DEPDC4: variants seen among roughly 807,000 people sequenced by gnomAD.
DEPDC4 encodes DEP domain containing 4, also known as DEP domain-containing protein 4.
Under a neutral mutation model 52.0 loss-of-function variants are expected in DEPDC4, and 52 were observed. The ratio of observed to expected loss-of-function variants is 1.00; its 90% CI spans 0.80 to 1.26. The LOEUF is 1.26. Ranked by LOEUF, DEPDC4 falls within the 50% of genes most tolerant of loss-of-function variation. DEPDC4 has a pLI of 0.00. For missense variants in DEPDC4, 530 were observed against 546.9 expected, an observed-to-expected ratio of 0.97 and a Z score of 0.31; for synonymous variants, 201 against 196.8, an observed-to-expected ratio of 1.02 and a Z score of -0.18.
Position 100,240,065 on chromosome 12 carries a change from G to A in DEPDC4, c.*1827C>T, listed in dbSNP as rs536868670. The stretch of plus-strand genomic sequence containing the variant: ...CAAAAAGATAAAACTGATGACATCT[G>A]TCTAATATAGTTTATTTTTTCAAGA... On this transcript the variant is annotated 3_prime_UTR_variant, in exon 10 of 10. Transcript: ENST00000550587. Among the ~76,000 whole-genome samples, 1 of 152,262 alleles carries A rather than the reference G, an allele frequency of 6.6e-6. No homozygotes were observed. The highest frequency in any genetic ancestry group is 2.1e-4 in the South Asian group (1 of 4,830).
At chr12:100,280,190 C>T in the DEPDC4 span, among the ~76,000 whole-genome samples, 1 of 152,074 alleles carries the variant, frequency 6.6e-6, no homozygotes, top group Non-Finnish European at 1.5e-5. Context: ...AGCAAGAGGG[C>T]AGATTCACTC....
upstream of DEPDC4, chr12:100,267,102 G>C: frequency 6.2e-7 from 1 of 1,609,148 alleles, no homozygotes; most frequent in Non-Finnish European, 8.5e-7. Flanking sequence ...GACACCCGGG[G>C]CGGAGAGAAG....
At chr12:100,236,656 C>T (rs939276161), downstream of DEPDC4, among the ~76,000 whole-genome samples, 14 of 152,094 alleles carry the variant, frequency 9.2e-5, no homozygotes, top group African/African-American at 3.4e-4. Context: ...CAGACTGTTC[C>T]TTTTGCTGTG....
the DEPDC4 span, among the ~76,000 whole-genome samples, chr12:100,273,197 C>G: frequency 9.9e-5 from 15 of 152,194 alleles, no homozygotes; most frequent in South Asian, 2.1e-4. Flanking sequence ...TTTTTAGCCT[C>G]CTTTGCCATA....
At chr12:100,246,674 T>C (rs1000064368) in intron 8 of DEPDC4, among the ~76,000 whole-genome samples, 7 of 152,158 alleles carry the variant, frequency 4.6e-5, no homozygotes, top group African/African-American at 1.7e-4. Context: ...CAGTGGCTCA[T>C]GCCTGTAATC....
rs138451949 is a variant in DEPDC4, at chr12:100,240,612, AAGAG to A, written c.*1276_*1279del. On this transcript the variant is annotated 3_prime_UTR_variant, in exon 10 of 10. Coordinates refer to ENST00000550587, the MANE Select transcript of DEPDC4 (RefSeq NM_001364818.2). Reference sequence around the variant, plus strand: ...GCAAGAAAAAAGTGAAAGAGCTGGAAAGAGAGAGAGAAAGAGGAAAGAAAAGGAA... The same window carrying A: ...GCAAGAAAAAAGTGAAAGAGCTGGAAAGAGAGAAAGAGGAAAGAAAAGGAA... Among the ~76,000 whole-genome samples the A allele has an allele frequency of 0.024, 3,612 of 152,314 alleles. 138 individuals are homozygous for A. Among genetic ancestry groups the A allele is most frequent in the African/African-American group, 0.08 (3,326 of 41,544 alleles).
intron 2 of DEPDC4, among the ~76,000 whole-genome samples, 181 bp downstream of exon 2, chr12:100,263,316 T>C (rs2096260352): frequency 6.6e-6 from 1 of 152,208 alleles, no homozygotes; most frequent in African/African-American, 2.4e-5. Context: ...ATCACTATTA[T>C]CTAATTCTAG....
At chr12:100,238,927 C>T (rs1040284852), downstream of DEPDC4, among the ~76,000 whole-genome samples, 4 of 152,226 alleles carry the variant, frequency 2.6e-5, no homozygotes, top group South Asian at 4.1e-4. Flanking sequence ...GCTTGCGCCA[C>T]AGCCCTCGTG....
At chr12:100,251,653 C>T (rs559273421) in intron 7 of DEPDC4, among the ~76,000 whole-genome samples, 51 of 152,020 alleles carry the variant, frequency 3.4e-4, no homozygotes, top group Admixed American at 7.2e-4. Context: ...TTGCAACCTC[C>T]GCCTCCCAGG....
At chr12:100,257,416 T>C (rs1433560679) in intron 3 of DEPDC4, among the ~76,000 whole-genome samples, 1 of 147,874 alleles carries the variant, frequency 6.8e-6, no homozygotes, top group African/African-American at 2.5e-5. Flanking sequence ...GATGGAGTTT[T>C]GTTCTTGTTG....
At chr12:100,249,043 G>T in intron 7 of DEPDC4, 65 bp from the exon 8 acceptor site, 1 of 656,022 alleles carries the variant, frequency 1.5e-6, no homozygotes, top group Non-Finnish European at 1.9e-6. Flanking sequence ...TTTCAACATA[G>T]AAAGAAAAAC....
intron 9 of DEPDC4, among the ~76,000 whole-genome samples, chr12:100,234,131 A>G (rs1424738053): frequency 1.3e-5 from 2 of 152,106 alleles, no homozygotes; most frequent in Non-Finnish European, 2.9e-5. Context: ...CAAAAAACCA[A>G]ACTTTTATTT....
rs1039100883 is a variant in DEPDC4, at chr12:100,235,015, G to A, written c.*699+2953C>T. Among the ~76,000 whole-genome samples, 9 of 151,718 alleles carry A rather than the reference G, an allele frequency of 5.9e-5. No homozygotes were observed. The South Asian group carries it at 1.2e-3, about 21-fold the overall frequency. On this transcript the variant is annotated intron_variant and NMD_transcript_variant, in intron 9 of 10. Transcript: ENST00000378244. ...TAAACAAGTTTCATTGTTTACAAAC[G>A]TTTCACTGTTTACAAGTTTCATTGA...
chr12:100,247,201 G>GTTTTTTTTTTTTTTTT (rs869121983), intron 8 of DEPDC4, among the ~76,000 whole-genome samples: 1 of 71,646 alleles, frequency 1.4e-5, no homozygotes, highest in African/African-American at 5.8e-5. Context: ...TCCCCTTAGT[G>GTTTTTTTTTTTTTTTT]TTTTTTTTTT....
intron 8 of DEPDC4, among the ~76,000 whole-genome samples, chr12:100,244,307 A>C (rs1389629959): frequency 2.0e-5 from 3 of 151,008 alleles, no homozygotes; most frequent in East Asian, 2.0e-4. Context: ...CAGCCCCCCG[A>C]GTGGCTGGGA....
At chr12:100,281,051 G>A in the DEPDC4 span, among the ~76,000 whole-genome samples, 2 of 59,440 alleles carry the variant, frequency 3.4e-5, no homozygotes, top group Admixed American at 4.9e-4. Flanking sequence ...TTTTTTTTGA[G>A]ATAGAGCCTG....
downstream of DEPDC4, among the ~76,000 whole-genome samples, chr12:100,236,858 A>G (rs1566304969): frequency 2.6e-5 from 4 of 152,184 alleles, no homozygotes; most frequent in African/African-American, 7.2e-5. Flanking sequence ...TGATTTTTGT[A>G]TAAGGTGAGA....
At position 100,267,063 on chromosome 12, in the gene DEPDC4, T is replaced by G; in HGVS notation, c.14A>C (p.Glu5Ala). The G allele has an allele frequency of 1.2e-6, 2 of 1,613,278 alleles. No homozygotes were observed. The highest frequency in any genetic ancestry group is 1.7e-6 in the Non-Finnish European group (2 of 1,179,614). Reference sequence around the variant, plus strand: ...CGCCATAAGCTCGCGCGCTGGCTCCTCCCCTGGCACCATAGCCCCGCCCCA... The same window carrying G: ...CGCCATAAGCTCGCGCGCTGGCTCCGCCCCTGGCACCATAGCCCCGCCCCA... The part of the protein sequence containing the change: MVPG[E>A]EPARELMAVL... The change falls in exon 1 of 10, where the codon GAG becomes GCG. Residue 5 changes from glutamate to alanine, a missense_variant. By Grantham distance (107) the Glu-to-Ala change is moderately radical (BLOSUM62 -1). Coordinates refer to ENST00000550587, the MANE Select transcript of DEPDC4 (RefSeq NM_001364818.2).
At chr12:100,255,047 C>G (rs998375714) in intron 4 of DEPDC4, among the ~76,000 whole-genome samples, 2 of 152,204 alleles carry the variant, frequency 1.3e-5, no homozygotes, top group African/African-American at 4.8e-5. Flanking sequence ...TTTCTCCTGA[C>G]AGATGAACAG....
Sources: gnomAD v4.1 joint callset for allele counts (sites outside exome capture counted in the v4.1 genomes callset) on GRCh38, gnomAD v4.1.1 for gene constraint, MANE v1.5 for transcripts, NCBI Gene and HGNC (gene_info 2026-07-23, HGNC 2026-07-21) for gene names.